DENND5B: variants seen among roughly 807,000 people sequenced by gnomAD.
The protein encoded by DENND5B is DENN domain-containing protein 5B.
DENND5B carries 34 observed loss-of-function variants against 140.6 expected under a neutral mutation model. The observed-to-expected ratio is 0.24, with a 90% CI of 0.18 to 0.32. DENND5B has a LOEUF of 0.32. Among genes scored for constraint, DENND5B ranks in the 10% least tolerant of loss-of-function variants. The pLI, the probability that DENND5B is intolerant of heterozygous loss-of-function variation, is 1.00. For missense variants in DENND5B, 1,142 were observed against 1,560.2 expected (o/e 0.73, Z 4.52); for synonymous variants, 551 against 562.1 (o/e 0.98, Z 0.28).
At chr12:31,454,587 T>G (rs1944683339) in intron 4 of DENND5B, among the ~76,000 whole-genome samples, 4 of 151,448 alleles carry the variant, frequency 2.6e-5, no homozygotes, top group Admixed American at 2.6e-4. Context: ...GGATTACAGG[T>G]GTCCACCACC....
Position 31,399,776 on chromosome 12 carries a change from T to C in DENND5B, c.2950-4A>G, listed in dbSNP as rs1367794251. 3 of 1,611,096 alleles carry C rather than the reference T, an allele frequency of 1.9e-6. 1 individual carries two copies. The highest frequency in any genetic ancestry group is 3.3e-4 in the Middle Eastern group (2 of 6,052). On this transcript the variant is annotated splice_polypyrimidine_tract_variant and splice_region_variant and intron_variant, in intron 15 of 20. Coordinates refer to ENST00000389082, the MANE Select transcript of DENND5B (RefSeq NM_144973.4). ...TCAGCTTCCCCAAGTTCTGGCACTG[T>C]AGGGACAGGACCTTAGGTTATTTAG...
intron 5 of DENND5B, among the ~76,000 whole-genome samples, chr12:31,449,527 T>C (rs1208735238): frequency 6.6e-6 from 1 of 152,172 alleles, no homozygotes; most frequent in Non-Finnish European, 1.5e-5. Flanking sequence ...GACTAGTATG[T>C]CCTGCAGATT....
intron 1 of DENND5B, among the ~76,000 whole-genome samples, chr12:31,522,303 G>T (rs1947925306): frequency 6.6e-6 from 1 of 152,094 alleles, no homozygotes; most frequent in South Asian, 2.1e-4. Context: ...AGGAAAGCAT[G>T]GCCATATCAG....
chr12:31,548,578 C>T (rs537792374), intron 1 of DENND5B, among the ~76,000 whole-genome samples: 2 of 152,244 alleles, frequency 1.3e-5, no homozygotes, highest in Admixed American at 1.3e-4. Flanking sequence ...TTAGATCATA[C>T]TCGTTTTGTC....
In DENND5B at chr12:31,525,304, G is replaced by A. The variant is rs1015984273; in HGVS notation, c.128-29385C>T. On this transcript the variant is annotated intron_variant, in intron 1 of 20. Coordinates refer to ENST00000389082, the MANE Select transcript of DENND5B (RefSeq NM_144973.4). ...GAAACAACCTAAATTTCCATCAACT[G>A]ATGAATGAAAAACTAAAATATACTT... is the stretch of plus-strand genomic sequence containing the variant. Among the ~76,000 whole-genome samples the A allele has an allele frequency of 2.0e-5, 3 of 152,170 alleles. No individual in the cohort carries two copies. In the East Asian group the frequency reaches 5.8e-4, roughly 29 times the overall value.
At chr12:31,501,449 G>T (rs1259353) in intron 1 of DENND5B, among the ~76,000 whole-genome samples, 124,284 of 152,188 alleles carry the variant, frequency 0.82, 51,092 homozygotes, top group African/African-American at 0.9. Flanking sequence ...GAAAACAGAC[G>T]AATACAAGAA....
intron 1 of DENND5B, among the ~76,000 whole-genome samples, chr12:31,525,367 G>T (rs1469607946): frequency 3.3e-5 from 5 of 152,114 alleles, no homozygotes; most frequent in African/African-American, 1.2e-4. Context: ...TAGGAATGTA[G>T]TACTGATGAG....
intron 1 of DENND5B, among the ~76,000 whole-genome samples, chr12:31,528,750 C>T (rs1243145678): frequency 6.6e-6 from 1 of 152,176 alleles, no homozygotes; most frequent in Non-Finnish European, 1.5e-5. Context: ...GATGCCAATT[C>T]TAACTGGAGA....
chr12:31,395,765 G>A (rs1014077963), intron 17 of DENND5B, among the ~76,000 whole-genome samples: 2 of 151,954 alleles, frequency 1.3e-5, no homozygotes, highest in Non-Finnish European at 2.9e-5. Flanking sequence ...ATAATCTATA[G>A]ATAAAAAGCC....
At chr12:31,397,242 T>G (rs11051418) in intron 17 of DENND5B, among the ~76,000 whole-genome samples, 87,510 of 151,730 alleles carry the variant, frequency 0.58, 25,701 homozygotes, top group East Asian at 0.82. Context: ...AAGGAAATTT[T>G]AATCTCTTAG....
intron 1 of DENND5B, among the ~76,000 whole-genome samples, chr12:31,552,916 C>G (rs963336587): frequency 6.6e-6 from 1 of 151,968 alleles, no homozygotes; most frequent in Non-Finnish European, 1.5e-5. Flanking sequence ...GGTGATATCC[C>G]CTTTATCATT....
Position 31,464,911 on chromosome 12 carries a change from C to T in DENND5B, c.905-4530G>A, listed in dbSNP as rs1345593238. Among the ~76,000 whole-genome samples, 4 of 152,108 alleles carry T rather than the reference C, an allele frequency of 2.6e-5. No individual in the cohort carries two copies. In the East Asian group the frequency reaches 7.7e-4, roughly 29 times the overall value. On this transcript the variant is annotated intron_variant, in intron 3 of 20. Transcript: ENST00000389082. ...GAATTGTTAACATTCAACATATGAC[C>T]TACTACATGATGAGTAGCCAGTAAA...
intron 8 of DENND5B, among the ~76,000 whole-genome samples, chr12:31,427,630 T>C (rs547623260): frequency 7.3e-5 from 11 of 151,232 alleles, no homozygotes; most frequent in African/African-American, 2.7e-4. Context: ...ATCATCTGGA[T>C]ACCTTATGTT....
intron 3 of DENND5B, among the ~76,000 whole-genome samples, chr12:31,469,045 AAT>A (rs1945415824): frequency 6.6e-6 from 1 of 152,132 alleles, no homozygotes; most frequent in Admixed American, 6.6e-5. Context: ...TCAAGAAAAA[AAT>A]AGAGGTGGCC....
intron 7 of DENND5B, among the ~76,000 whole-genome samples, chr12:31,433,624 T>C (rs979968107): frequency 2.0e-5 from 3 of 152,172 alleles, no homozygotes; most frequent in African/African-American, 7.2e-5. Flanking sequence ...GTAAATATTA[T>C]GAATATTTTT....
intron 14 of DENND5B, among the ~76,000 whole-genome samples, chr12:31,407,276 G>A (rs969438471): frequency 4.0e-5 from 6 of 151,582 alleles, no homozygotes; most frequent in East Asian, 1.9e-4. Context: ...GATTACAGGC[G>A]CCCACCACCA....
chr12:31,472,139 G>C (rs192732366), intron 3 of DENND5B, among the ~76,000 whole-genome samples: 1 of 152,242 alleles, frequency 6.6e-6, no homozygotes, highest in East Asian at 1.9e-4. Flanking sequence ...AACATTACGA[G>C]AAGCCTTATT....
chr12:31,456,263 GA>G (rs1944771166), intron 4 of DENND5B, among the ~76,000 whole-genome samples: 1 of 150,746 alleles, frequency 6.6e-6, no homozygotes, highest in Non-Finnish European at 1.5e-5. Flanking sequence ...CTGGCAGGTG[GA>G]GGTTGCAGTC....
chr12:31,413,610 C>G, intron 12 of DENND5B, 46 bp from the exon 13 acceptor site: 3 of 1,578,798 alleles, frequency 1.9e-6, no homozygotes, highest in Non-Finnish European at 2.6e-6. Flanking sequence ...TAAGGATAAC[C>G]CTGACTAGAA....
Sources: allele counts gnomAD v4.1 joint callset (sites outside exome capture counted in the v4.1 genomes callset), GRCh38; gene constraint gnomAD v4.1.1; transcripts MANE v1.5; gene names NCBI Gene and HGNC (gene_info 2026-07-23, HGNC 2026-07-21).